The following PIAS1 variants were observed in gnomAD, a reference collection of about 807,000 sequenced individuals.
PIAS1 encodes the protein protein inhibitor of activated STAT 1, also known as E3 SUMO-protein ligase PIAS1.
Under a neutral mutation model 71.3 loss-of-function variants are expected in PIAS1, and 6 were observed. That is an observed-to-expected ratio of 0.08 (90% CI 0.05 to 0.17). The LOEUF is 0.17. Ranked by LOEUF, PIAS1 falls within the 10% of genes least tolerant of loss-of-function variation. The pLI, the probability that PIAS1 is intolerant of heterozygous loss-of-function variation, is 1.00. For synonymous variants in PIAS1, 303 were observed against 292.9 expected (o/e 1.03, Z -0.35); for missense variants, 555 against 793.6 (o/e 0.70, Z 3.61).
At chr15:68,063,637 G>A (rs536882333) in intron 1 of PIAS1, among the ~76,000 whole-genome samples, 2 of 152,124 alleles carry the variant, frequency 1.3e-5, no homozygotes, top group African/African-American at 2.4e-5. Context: ...ATAGCGGAAT[G>A]TTTACTAAAA....
At chr15:68,076,238 C>T (rs1172224961) in intron 1 of PIAS1, among the ~76,000 whole-genome samples, 4 of 152,030 alleles carry the variant, frequency 2.6e-5, no homozygotes, top group East Asian at 1.9e-4. Context: ...AGGCTGGGCG[C>T]GGTGGCTCAC....
In PIAS1 at chr15:68,054,623, T is replaced by G; in HGVS notation, c.24+273T>G. The G allele has an allele frequency of 5.4e-6, 2 of 373,540 alleles. No individual in the cohort carries two copies. The highest frequency in any genetic ancestry group is 4.8e-6 in the Non-Finnish European group (1 of 208,212). 23.1% of individuals were successfully genotyped at this position (373,540 alleles called of 1,614,324 possible). On this transcript the variant is annotated intron_variant, in intron 1 of 13. Coordinates refer to ENST00000249636, the MANE Select transcript of PIAS1 (RefSeq NM_016166.3). The surrounding 1 kb of genome is among the most constrained non-coding windows in gnomAD (Gnocchi z 4.6). ...GGGTGGCGGGGGAAGAGATAGGGAG[T>G]CCGGAGGTAGGGGCTGCAGCTGTCT...
At chr15:68,061,525 T>A (rs2091958920) in intron 1 of PIAS1, 1 of 152,214 alleles carries the variant, frequency 6.6e-6, no homozygotes, top group South Asian at 2.1e-4. Context: ...TTTCAGCTTT[T>A]CTTTAGATCA....
intron 2 of PIAS1, among the ~76,000 whole-genome samples, chr15:68,092,363 A>G (rs1272074759): frequency 6.6e-6 from 1 of 151,748 alleles, no homozygotes; most frequent in East Asian, 1.9e-4. Flanking sequence ...GTAGAGACGG[A>G]GTTTTGTCAT....
At chr15:68,056,618 G>T (rs2091899391) in intron 1 of PIAS1, among the ~76,000 whole-genome samples, 1 of 151,912 alleles carries the variant, frequency 6.6e-6, no homozygotes, top group African/African-American at 2.4e-5. Context: ...AGACTTTGAG[G>T]AGCTGTGTGA....
At chr15:68,060,725 C>T (rs927893251) in intron 1 of PIAS1, among the ~76,000 whole-genome samples, 1 of 151,232 alleles carries the variant, frequency 6.6e-6, no homozygotes, top group Non-Finnish European at 1.5e-5. Flanking sequence ...AAAGTGTTGC[C>T]ATTTAAATTG....
rs570795905 is a variant in PIAS1, at chr15:68,061,202, G to A, written c.24+6852G>A. 8.5e-5 allele frequency among the ~76,000 whole-genome samples: 13 copies of A among 152,276 alleles called. No individual in the cohort carries two copies. The East Asian group carries it at 1.5e-3, about 18-fold the overall frequency. ...TCACCTAAATCTGTATTTATGTAAC[G>A]TTTTATCATTAGGATTTCTTTGAAA... On this transcript the variant is annotated intron_variant, in intron 1 of 13. Coordinates refer to ENST00000249636, the MANE Select transcript of PIAS1 (RefSeq NM_016166.3).
intron 2 of PIAS1, among the ~76,000 whole-genome samples, chr15:68,107,658 T>A (rs2092483378): frequency 6.6e-6 from 1 of 152,176 alleles, no homozygotes; most frequent in African/African-American, 2.4e-5. Context: ...TTTGAAAGTG[T>A]CTATTAAACT....
chr15:68,105,194 T>G (rs1012124730), intron 2 of PIAS1, among the ~76,000 whole-genome samples: 1 of 152,174 alleles, frequency 6.6e-6, no homozygotes, highest in Non-Finnish European at 1.5e-5. Flanking sequence ...ATTGTTAACT[T>G]CCTCTTAGCA....
chr15:68,145,419 TAAAAGCTCTG>T (rs2092801255), intron 4 of PIAS1, among the ~76,000 whole-genome samples: 1 of 152,216 alleles, frequency 6.6e-6, no homozygotes, highest in South Asian at 2.1e-4. Flanking sequence ...ATTAGCCTAT[TAAAAGCTCTG>T]AAAAGTTCTG....
At chr15:68,104,813 C>A (rs1369887312) in intron 2 of PIAS1, among the ~76,000 whole-genome samples, 2 of 152,062 alleles carry the variant, frequency 1.3e-5, no homozygotes, top group Admixed American at 1.3e-4. Flanking sequence ...ATATGTACAG[C>A]AATTATGTAA....
chr15:68,111,297 C>T (rs191673496), intron 2 of PIAS1, among the ~76,000 whole-genome samples: 125 of 151,920 alleles, frequency 8.2e-4, no homozygotes, highest in African/African-American at 2.8e-3. Context: ...AACTAGAAGG[C>T]GAAGTTGGGT....
chr15:68,193,228 C>A lies in PIAS1; in HGVS notation c.*5393C>A, dbSNP rs190376219. The A allele has an allele frequency of 7.3e-4, 111 of 152,470 alleles. No individual in the cohort carries two copies. Among genetic ancestry groups the A allele is most frequent in the African/African-American group, 2.6e-3 (107 of 41,564 alleles). The allele number at this position is 152,470 out of a possible 1,614,324, so 9.4% of individuals were successfully genotyped here. Reference sequence around the variant, plus strand: ...TCGGAATTCTCACAGCATTGGAAGCCCCCTTCTTGAGCTCTGCAAGGCCAG... The same window carrying A: ...TCGGAATTCTCACAGCATTGGAAGCACCCTTCTTGAGCTCTGCAAGGCCAG... On this transcript the variant is annotated 3_prime_UTR_variant, in exon 14 of 14. Coordinates refer to ENST00000249636, the MANE Select transcript of PIAS1 (RefSeq NM_016166.3).
At chr15:68,063,745 G>C (rs2091985528) in intron 1 of PIAS1, among the ~76,000 whole-genome samples, 1 of 152,022 alleles carries the variant, frequency 6.6e-6, no homozygotes, top group South Asian at 2.1e-4. Context: ...AAGTTTTTCT[G>C]AGGGTTCTCC....
intron 8 of PIAS1, among the ~76,000 whole-genome samples, chr15:68,169,375 A>C (rs1299757886): frequency 6.6e-6 from 1 of 152,126 alleles, no homozygotes; most frequent in Non-Finnish European, 1.5e-5. Flanking sequence ...GCTTATGTAA[A>C]TCAAATCATA....
At chr15:68,077,756 A>G (rs942952028) in intron 1 of PIAS1, among the ~76,000 whole-genome samples, 4 of 152,214 alleles carry the variant, frequency 2.6e-5, no homozygotes, top group Non-Finnish European at 4.4e-5. Flanking sequence ...TTGTGTGGAC[A>G]TTGGCATTTG....
Position 68,164,807 on chromosome 15 carries a change from A to G in PIAS1, c.1008+3A>G, listed in dbSNP as rs771167413. On this transcript the variant is annotated splice_donor_region_variant and intron_variant, in intron 8 of 13. Transcript: ENST00000249636. Reference sequence around the variant, plus strand: ...TAAGGGTTTCTCTACTATGTCCAGTAAGTGTTAACTATTACTTGCTTTCCA... The same window carrying G: ...TAAGGGTTTCTCTACTATGTCCAGTGAGTGTTAACTATTACTTGCTTTCCA... The G allele has an allele frequency of 1.3e-6, 2 of 1,528,328 alleles. No individual in the cohort carries two copies. The highest frequency in any genetic ancestry group is 1.8e-6 in the Non-Finnish European group (2 of 1,110,114). 94.7% of individuals were successfully genotyped at this position (1,528,328 alleles called of 1,614,324 possible).
intron 7 of PIAS1, 150 bp downstream of exon 7, chr15:68,153,845 A>G (rs1370160645): frequency 2.0e-6 from 1 of 491,340 alleles, no homozygotes; most frequent in East Asian, 3.2e-5. Flanking sequence ...GTCATGAGCT[A>G]TATTTTATAA....
intron 2 of PIAS1, among the ~76,000 whole-genome samples, chr15:68,116,178 A>G (rs2092563720): frequency 6.6e-6 from 1 of 151,216 alleles, no homozygotes; most frequent in South Asian, 2.1e-4. Flanking sequence ...GGTTGGTATT[A>G]TTTTTTTCTT....
Sources: gnomAD v4.1 joint callset for allele counts (sites outside exome capture counted in the v4.1 genomes callset) on GRCh38, gnomAD v4.1.1 for gene constraint, Gnocchi (gnomAD v3.1) non-coding constraint, MANE v1.5 for transcripts, NCBI Gene and HGNC (gene_info 2026-07-23, HGNC 2026-07-21) for gene names.